The following RIMS1 variants were observed in gnomAD, a reference collection of about 807,000 sequenced individuals.
RIMS1 encodes the protein regulating synaptic membrane exocytosis 1, also known as regulating synaptic membrane exocytosis protein 1.
RIMS1 carries 83 observed loss-of-function variants against 214.1 expected under a neutral mutation model. The ratio of observed to expected loss-of-function variants is 0.39; its 90% CI spans 0.32 to 0.47. The LOEUF (loss-of-function observed/expected upper bound fraction) is 0.47, where lower values mean the gene tolerates loss of function less well. Among genes scored for constraint, RIMS1 ranks in the 20% least tolerant of loss-of-function variants. The probability of loss-of-function intolerance (pLI) is 0.99; values close to 1 mark genes in which losing one functional copy is unlikely to be tolerated. For missense variants in RIMS1, 2,050 were observed against 2,161.8 expected (o/e 0.95, Z 1.03); for synonymous variants, 793 against 786.8 (o/e 1.01, Z -0.13).
At chr6:71,974,209 A>G (rs538981758) in intron 2 of RIMS1, among the ~76,000 whole-genome samples, 3 of 152,192 alleles carry the variant, frequency 2.0e-5, no homozygotes, top group African/African-American at 4.8e-5. Context: ...TTATATTTAA[A>G]ATGGATGCCA....
chr6:72,333,174 A>G (rs528860653), intron 28 of RIMS1, among the ~76,000 whole-genome samples: 1 of 152,040 alleles, frequency 6.6e-6, no homozygotes, highest in South Asian at 2.1e-4. Context: ...AAGCCTTGTT[A>G]TGTGGCACAT....
intron 2 of RIMS1, among the ~76,000 whole-genome samples, chr6:72,012,827 A>G (rs550751004): frequency 6.6e-6 from 1 of 152,194 alleles, no homozygotes; most frequent in Non-Finnish European, 1.5e-5. Context: ...CCACTCTGTT[A>G]TATTTCTGGT....
chr6:72,256,966 C>T (rs2076127951), intron 16 of RIMS1, among the ~76,000 whole-genome samples: 1 of 151,764 alleles, frequency 6.6e-6, no homozygotes, highest in Admixed American at 6.6e-5. Context: ...TGAATATTGT[C>T]AAAGTACACT....
intron 33 of RIMS1, among the ~76,000 whole-genome samples, chr6:72,400,180 A>T (rs967114454): frequency 1.3e-5 from 2 of 152,180 alleles, no homozygotes; most frequent in Non-Finnish European, 2.9e-5. Flanking sequence ...GTAGTTACAC[A>T]AGAAAGGTGT....
At chr6:72,183,193 A>G (rs758327274) in intron 6 of RIMS1, 44 bp downstream of exon 6, 4 of 1,567,116 alleles carry the variant, frequency 2.6e-6, no homozygotes, top group Non-Finnish European at 8.6e-7. Flanking sequence ...AGCCAAGTGA[A>G]GAGGCGTGGG....
chr6:72,185,888 C>T (rs535145275), intron 6 of RIMS1, among the ~76,000 whole-genome samples: 1 of 152,322 alleles, frequency 6.6e-6, no homozygotes, highest in Non-Finnish European at 1.5e-5. Context: ...TCCTTCTCCT[C>T]AATGTGAAGA....
intron 9 of RIMS1, 87 bp downstream of exon 9, chr6:72,238,009 A>G (rs1362222192): frequency 1.5e-5 from 11 of 738,868 alleles, no homozygotes; most frequent in African/African-American, 7.1e-5. Context: ...TTAGTTTTAT[A>G]TATACATACA....
In RIMS1 at chr6:71,887,544, A is replaced by AG. The variant is rs2150302634; in HGVS notation, c.164+362dup. ...AAGGTCCCTGGGCTGGGAGCAGGTT[A>AG]GGGGGCAGGGGATGAGTAGAAACAA... On this transcript the variant is annotated intron_variant, in intron 1 of 33. Transcript: ENST00000521978. Among the ~76,000 whole-genome samples the AG allele has an allele frequency of 1.3e-5, 2 of 152,192 alleles. 1 individual carries two copies. The highest frequency in any genetic ancestry group is 4.1e-4 in the South Asian group (2 of 4,820).
intron 18 of RIMS1, among the ~76,000 whole-genome samples, chr6:72,260,188 T>C (rs1053464600): frequency 2.6e-5 from 4 of 152,148 alleles, no homozygotes; most frequent in African/African-American, 9.7e-5. Flanking sequence ...AATTTGGATA[T>C]AGATAAAGTA....
At chr6:71,940,455 C>T (rs1023824790) in intron 1 of RIMS1, among the ~76,000 whole-genome samples, 2 of 152,176 alleles carry the variant, frequency 1.3e-5, no homozygotes, top group African/African-American at 4.8e-5. Context: ...AACTACCAAT[C>T]TCATGGAATG....
At position 72,259,116 on chromosome 6, in the gene RIMS1, T is replaced by C; in HGVS notation, c.3053+5T>C. 1 of 1,610,530 alleles carries C rather than the reference T, an allele frequency of 6.2e-7. No individual in the cohort carries two copies. Among genetic ancestry groups the C allele is most frequent in the Non-Finnish European group, 8.5e-7 (1 of 1,177,750 alleles). On this transcript the variant is annotated splice_donor_5th_base_variant and intron_variant, in intron 18 of 33. Coordinates refer to ENST00000521978, the MANE Select transcript of RIMS1 (RefSeq NM_014989.7). ...GTATTTATCAGAACAAGACAGGTAT[T>C]TGTCAAAATTATGATCTCAACGTTA...
Position 72,233,894 on chromosome 6 carries a change from T to C in RIMS1, c.1746+54T>C, listed in dbSNP as rs2063024464. ...TTTAGGGAATATGTGTGCTCGTTAA[T>C]TGTCCTTTGTCTGATATGTGATATC... On this transcript the variant is annotated intron_variant, in intron 7 of 33. Transcript: ENST00000521978. The C allele has an allele frequency of 1.6e-5, 18 of 1,145,276 alleles. No homozygotes were observed. The South Asian group carries it at 2.4e-4, about 15-fold the overall frequency. 70.9% of individuals were successfully genotyped at this position (1,145,276 alleles called of 1,614,324 possible). A position where few individuals can be genotyped will look rare whatever the true frequency, so the allele number is the denominator to read the frequency against.
At position 72,392,774 on chromosome 6, in the gene RIMS1, C is replaced by T. The variant is rs771307076; in HGVS notation, c.4582C>T (p.Leu1528Phe). The change falls in exon 31 of 34, where the codon CTT becomes TTT. Residue 1528 changes from leucine to phenylalanine, a missense_variant. Leu to Phe is a conservative substitution (Grantham distance 22). Coordinates refer to ENST00000521978, the MANE Select transcript of RIMS1 (RefSeq NM_014989.7). Reference protein sequence around the residue: ...DFLDGLGPAQLVGRQTLATPA... With the variant: ...DFLDGLGPAQFVGRQTLATPA... ...TCTTGATGGATTGGGACCAGCCCAGCTTGTTGGCCGCCAAACCCTTGCCAC... is the reference window on the plus strand; with the variant it reads ...TCTTGATGGATTGGGACCAGCCCAGTTTGTTGGCCGCCAAACCCTTGCCAC... The T allele has an allele frequency of 1.2e-6, 2 of 1,613,546 alleles. No individual in the cohort carries two copies. The highest frequency in any genetic ancestry group is 2.2e-5 in the South Asian group (2 of 91,020).
chr6:72,108,269 TG>T (rs2035201071), intron 4 of RIMS1, among the ~76,000 whole-genome samples: 1 of 55,244 alleles, frequency 1.8e-5, no homozygotes. Context: ...TGTGTGTGTA[TG>T]TGGAGACTGG....
In RIMS1 at chr6:72,276,484, C is replaced by T. The variant is rs183107471; in HGVS notation, c.3482+2052C>T. 3.4e-3 allele frequency among the ~76,000 whole-genome samples: 510 copies of T among 151,878 alleles called. 1 individual carries two copies. Among genetic ancestry groups the T allele is most frequent in the Middle Eastern group, 0.014 (4 of 294 alleles). ...TATGAATTATTCCATTTGATTGTCT[C>T]GATAGTATATGTAACTATAAGAGTA... On this transcript the variant is annotated intron_variant, in intron 23 of 33. Transcript: ENST00000521978.
chr6:71,942,347 T>C (rs1301904562), intron 1 of RIMS1, among the ~76,000 whole-genome samples: 1 of 152,212 alleles, frequency 6.6e-6, no homozygotes, highest in Non-Finnish European at 1.5e-5. Context: ...TCATTTAGGT[T>C]GTAAATGACA....
At chr6:72,303,830 A>G (rs1002100721) in intron 26 of RIMS1, among the ~76,000 whole-genome samples, 1 of 151,568 alleles carries the variant, frequency 6.6e-6, no homozygotes, top group Non-Finnish European at 1.5e-5. Flanking sequence ...TTCAGTTGGT[A>G]CCTTATAGTG....
At chr6:72,251,428 A>C in intron 15 of RIMS1, 60 bp downstream of exon 15, 1 of 1,240,950 alleles carries the variant, frequency 8.1e-7, no homozygotes, top group South Asian at 1.8e-5. Context: ...CTAATTAGTG[A>C]TTAATAATTC....
chr6:72,256,137 G>A (rs2075755691), intron 16 of RIMS1, among the ~76,000 whole-genome samples: 1 of 151,272 alleles, frequency 6.6e-6, no homozygotes. Flanking sequence ...TTTGTAAAAA[G>A]CAACTATAAA....
Sources: allele counts gnomAD v4.1 joint callset (sites outside exome capture counted in the v4.1 genomes callset), GRCh38; gene constraint gnomAD v4.1.1; transcripts MANE v1.5; gene names NCBI Gene and HGNC (gene_info 2026-07-23, HGNC 2026-07-21).